CDC42SE2: variants seen among roughly 807,000 people sequenced by gnomAD.
The protein encoded by CDC42SE2 is CDC42 small effector protein 2.
In CDC42SE2, 3 loss-of-function variants were observed where a neutral mutation model predicts 11.5. That is an observed-to-expected ratio of 0.26 (90% confidence interval 0.12 to 0.67). The LOEUF is 0.67. Ranked by LOEUF, CDC42SE2 falls within the 30% of genes least tolerant of loss-of-function variation. The pLI, the probability that CDC42SE2 is intolerant of heterozygous loss-of-function variation, is 0.80. For missense variants in CDC42SE2, 82 were observed against 106.8 expected (o/e 0.77, Z 1.02); for synonymous variants, 33 against 34.8 (o/e 0.95, Z 0.18).
chr5:131,318,500 T>A (rs570531431), intron 2 of CDC42SE2, among the ~76,000 whole-genome samples: 7 of 152,186 alleles, frequency 4.6e-5, no homozygotes, highest in Non-Finnish European at 8.8e-5. Context: ...AAGGCACTTA[T>A]TTTTATGAAT....
upstream of CDC42SE2, among the ~76,000 whole-genome samples, chr5:131,259,756 G>T (rs1442178346): frequency 2.0e-5 from 3 of 152,180 alleles, no homozygotes; most frequent in Non-Finnish European, 4.4e-5. Context: ...CAGGAAATAT[G>T]GTCATACTAC....
the CDC42SE2 span, among the ~76,000 whole-genome samples, chr5:131,239,932 TAAGG>T: frequency 6.6e-6 from 1 of 152,234 alleles, no homozygotes; most frequent in Non-Finnish European, 1.5e-5. Context: ...ATTGCTTTCT[TAAGG>T]AAGTATCAGT....
At chr5:131,224,225 C>G in the CDC42SE2 span, among the ~76,000 whole-genome samples, 1 of 152,138 alleles carries the variant, frequency 6.6e-6, no homozygotes, top group Non-Finnish European at 1.5e-5. Flanking sequence ...ATGTATTTCT[C>G]CAACTCAAGC....
upstream of CDC42SE2, among the ~76,000 whole-genome samples, chr5:131,260,617 GCTCT>G (rs1291822343): frequency 5.1e-5 from 6 of 118,662 alleles, no homozygotes; most frequent in Admixed American, 1.9e-4. Flanking sequence ...AGAGCGAGAC[GCTCT>G]CTCAAAAAAA....
At chr5:131,316,525 G>A (rs1380999134) in intron 2 of CDC42SE2, among the ~76,000 whole-genome samples, 6 of 152,212 alleles carry the variant, frequency 3.9e-5, no homozygotes, top group Non-Finnish European at 7.3e-5. Context: ...ATTGTTTTAG[G>A]AATGGACATG....
chr5:131,219,688 A>G, the CDC42SE2 span, among the ~76,000 whole-genome samples: 5 of 152,142 alleles, frequency 3.3e-5, no homozygotes, highest in Admixed American at 6.6e-5. Flanking sequence ...TATAATCCCA[A>G]CGCTTTGGGA....
Position 131,324,773 on chromosome 5 carries a change from A to C in CDC42SE2, c.-286+8629A>C, listed in dbSNP as rs145370377. On this transcript the variant is annotated intron_variant, in intron 2 of 4. Coordinates refer to ENST00000505065, the MANE Select transcript of CDC42SE2 (RefSeq NM_001375635.1). ...CTCCTTTAGTATAAAAAAATACCCC[A>C]GATACTCTTGGAAGTTAATATTTCT... 2.0e-4 allele frequency among the ~76,000 whole-genome samples: 31 copies of C among 152,306 alleles called. 1 individual carries two copies. In the East Asian group the frequency reaches 5.8e-3, roughly 28 times the overall value.
At chr5:131,219,388 GCCCA>G in the CDC42SE2 span, among the ~76,000 whole-genome samples, 1 of 152,044 alleles carries the variant, frequency 6.6e-6, no homozygotes, top group East Asian at 1.9e-4. Context: ...TTATATATAA[GCCCA>G]CATTTGTTGC....
the CDC42SE2 span, among the ~76,000 whole-genome samples, chr5:131,226,813 G>A: frequency 1.1e-4 from 17 of 152,252 alleles, no homozygotes; most frequent in Admixed American, 1.0e-3. Flanking sequence ...CCCTGCATTG[G>A]TTTCCTTACT....
At chr5:131,220,639 AG>A in the CDC42SE2 span, among the ~76,000 whole-genome samples, 1 of 152,222 alleles carries the variant, frequency 6.6e-6, no homozygotes, top group African/African-American at 2.4e-5. Flanking sequence ...GACAGAAGAT[AG>A]TACATTGTTT....
chr5:131,377,675 G>T lies in CDC42SE2; in HGVS notation c.55-7868G>T, dbSNP rs148278748. On this transcript the variant is annotated intron_variant, in intron 3 of 4. Transcript: ENST00000505065. ...TCCAGGGATTCTGATGTACACTGTA[G>T]CTTGAGAACCACTGCTTTACAGGTT... is the stretch of plus-strand genomic sequence containing the variant. Among the ~76,000 whole-genome samples, 738 of 152,252 alleles carry T rather than the reference G, an allele frequency of 4.8e-3. 10 individuals carry two copies. The highest frequency in any genetic ancestry group is 0.017 in the African/African-American group (701 of 41,546).
chr5:131,365,744 A>T (rs1749833031), intron 3 of CDC42SE2, among the ~76,000 whole-genome samples: 1 of 152,196 alleles, frequency 6.6e-6, no homozygotes, highest in Non-Finnish European at 1.5e-5. Flanking sequence ...GCACTTTGGG[A>T]GGCCAAGGCG....
At chr5:131,334,392 C>G (rs956132818) in intron 2 of CDC42SE2, among the ~76,000 whole-genome samples, 4 of 152,098 alleles carry the variant, frequency 2.6e-5, no homozygotes, top group Admixed American at 2.0e-4. Context: ...ATTTTTGCAT[C>G]AATGTTCATC....
intron 1 of CDC42SE2, among the ~76,000 whole-genome samples, chr5:131,252,780 A>G (rs773363683): frequency 6.6e-6 from 1 of 152,198 alleles, no homozygotes; most frequent in Non-Finnish European, 1.5e-5. Flanking sequence ...CCCTAAAGGC[A>G]TCAGCCTCTC....
At chr5:131,277,503 C>A (rs1160463387) in intron 1 of CDC42SE2, among the ~76,000 whole-genome samples, 1 of 152,178 alleles carries the variant, frequency 6.6e-6, no homozygotes, top group Non-Finnish European at 1.5e-5. Flanking sequence ...TCAACCCATT[C>A]AGAATAAGAT....
At chr5:131,228,381 G>A in the CDC42SE2 span, among the ~76,000 whole-genome samples, 1 of 152,182 alleles carries the variant, frequency 6.6e-6, no homozygotes, top group African/African-American at 2.4e-5. Flanking sequence ...AAGAAAGAGA[G>A]ACAGAGAGAG....
the CDC42SE2 span, among the ~76,000 whole-genome samples, chr5:131,238,088 C>T: frequency 1.5e-5 from 1 of 67,698 alleles, no homozygotes; most frequent in Non-Finnish European, 2.8e-5. Context: ...CAGAACCTCT[C>T]AATAGTATTT....
At chr5:131,389,851 C>G (rs78333886) in intron 4 of CDC42SE2, among the ~76,000 whole-genome samples, 198 of 152,306 alleles carry the variant, frequency 1.3e-3, no homozygotes, top group African/African-American at 4.6e-3. Context: ...GTTAGGCCAT[C>G]ACCTCCAAAA....
intron 3 of CDC42SE2, among the ~76,000 whole-genome samples, chr5:131,378,737 T>C (rs1231587143): frequency 6.6e-6 from 1 of 152,246 alleles, no homozygotes; most frequent in Non-Finnish European, 1.5e-5. Flanking sequence ...CTGTTGGGAT[T>C]ATACAACTTC....
Sources: allele counts gnomAD v4.1 joint callset (sites outside exome capture counted in the v4.1 genomes callset), GRCh38; gene constraint gnomAD v4.1.1; transcripts MANE v1.5; gene names NCBI Gene and HGNC (gene_info 2026-07-23, HGNC 2026-07-21).